OSGIN1: variants seen among roughly 807,000 people sequenced by gnomAD.
The protein encoded by OSGIN1 is oxidative stress induced growth inhibitor 1.
Under a neutral mutation model 20.1 loss-of-function variants are expected in OSGIN1, and 19 were observed. The observed-to-expected ratio is 0.95, with a 90% CI of 0.66 to 1.39. The LOEUF is 1.39. Ranked by LOEUF, OSGIN1 falls within the 40% of genes most tolerant of loss-of-function variation. The pLI is 0.00. For missense variants in OSGIN1, 820 were observed against 653.0 expected (o/e 1.26, Z -2.79); for synonymous variants, 368 against 297.8 (o/e 1.24, Z -2.43).
chr16:83,964,890 T>A (rs2084257313), intron 5 of OSGIN1, among the ~76,000 whole-genome samples, 172 bp from the exon 6 acceptor site: 1 of 152,070 alleles, frequency 6.6e-6, no homozygotes, highest in African/African-American at 2.4e-5. Flanking sequence ...GTTAGCTCCA[T>A]TTTACAGAAG....
chr16:83,965,776 C>A lies in OSGIN1; in HGVS notation c.1203C>A (p.Asp401Glu). The A allele has an allele frequency of 6.2e-7, 1 of 1,613,158 alleles. No homozygotes were observed. Residue 401 changes from aspartate (D) to glutamate (E), a missense_variant, in exon 6 of 6, where the codon GAC becomes GAA. Coordinates refer to ENST00000393306, the MANE Select transcript of OSGIN1 (RefSeq NM_182981.3). Reference protein sequence around the residue: ...LVLVLIGSHPDLSFLPGAGAD... With the variant: ...LVLVLIGSHPELSFLPGAGAD... ...TGGTCCTCATCGGCTCCCACCCCGA[C>A]CTCTCCTTCCTGCCTGGGGCAGGGG...
intron 5 of OSGIN1, 55 bp from the exon 6 acceptor site, chr16:83,965,007 A>ACCCCCCCCCCC: frequency 2.1e-6 from 1 of 475,838 alleles, no homozygotes; most frequent in Non-Finnish European, 4.1e-6. Context: ...CGTCCCACCC[A>ACCCCCCCCCCC]GCCCCCCAAC....
chr16:83,958,646 G>A (rs751461532), intron 2 of OSGIN1, among the ~76,000 whole-genome samples: 4 of 152,194 alleles, frequency 2.6e-5, no homozygotes, highest in African/African-American at 4.8e-5. Context: ...AAAGAGAAGC[G>A]CTATCACAGG....
At chr16:83,953,600 C>CA (rs1908792258) in intron 1 of OSGIN1, among the ~76,000 whole-genome samples, 2 of 152,236 alleles carry the variant, frequency 1.3e-5, no homozygotes, top group Admixed American at 1.3e-4. Flanking sequence ...CTGGTACCCT[C>CA]AGCCAAGCAG....
chr16:83,959,455 G>A (rs972736823), intron 3 of OSGIN1, 59 bp downstream of exon 3: 15 of 1,495,006 alleles, frequency 1.0e-5, no homozygotes, highest in Admixed American at 4.5e-5. Context: ...GAAAACTACC[G>A]CCGCTTTCCC....
chr16:83,965,316 C>G lies in OSGIN1; in HGVS notation c.743C>G (p.Thr248Arg), dbSNP rs201583830. ...WARNVVLATG[T>R]FDSPARLGIP... ...CGCAACGTGGTCCTCGCCACAGGCA[C>G]GTTCGACAGCCCGGCCCGGCTGGGC... Residue 248 changes from threonine to arginine, a missense_variant, in exon 6 of 6, where the codon ACG (threonine) becomes AGG (arginine). Transcript: ENST00000393306. 6.3e-6 allele frequency: 10 copies of G among 1,583,608 alleles called. No individual in the cohort carries two copies. In the East Asian group the frequency reaches 2.0e-4, roughly 32 times the overall value.
intron 4 of OSGIN1, 51 bp from the exon 5 acceptor site, chr16:83,960,930 A>C (rs376745376): frequency 1.2e-5 from 19 of 1,579,252 alleles, no homozygotes; most frequent in Admixed American, 6.7e-5. Flanking sequence ...TCTAGCCCCA[A>C]ATGGGTTCAG....
intron 5 of OSGIN1, among the ~76,000 whole-genome samples, chr16:83,962,760 A>G (rs2084231311): frequency 6.6e-6 from 1 of 152,180 alleles, no homozygotes; most frequent in Non-Finnish European, 1.5e-5. Context: ...GACAGGTGAG[A>G]GACAAACGGT....
intron 1 of OSGIN1, chr16:83,954,251 A>C (rs907033): frequency 0.6 from 91,737 of 152,184 alleles, 28,751 homozygotes; most frequent in East Asian, 0.79. Context: ...AAACGCAGAC[A>C]TACAGGTGTC....
At chr16:83,964,924 T>A (rs1404180626) in intron 5 of OSGIN1, 138 bp from the exon 6 acceptor site, 2 of 654,354 alleles carry the variant, frequency 3.1e-6, no homozygotes, top group Non-Finnish European at 5.3e-6. Context: ...TTAGAGAGGT[T>A]GAATTACCTG....
Position 83,956,472 on chromosome 16 carries a change from C to T in OSGIN1, c.-32-1168C>T, listed in dbSNP as rs796190748. On this transcript the variant is annotated intron_variant, in intron 1 of 5. Coordinates refer to ENST00000393306, the MANE Select transcript of OSGIN1 (RefSeq NM_182981.3). ...CTCTGGGTGGTCCAAGCCCTGTGCC[C>T]GCCCACTTGAGTGTGACACCTGGAT... Among the ~76,000 whole-genome samples the T allele has an allele frequency of 2.6e-4, 40 of 152,304 alleles. 1 individual carries two copies. Among genetic ancestry groups the T allele is most frequent in the African/African-American group, 8.9e-4 (37 of 41,564 alleles).
At chr16:83,954,682 C>G in intron 1 of OSGIN1, 1 of 863,728 alleles carries the variant, frequency 1.2e-6, no homozygotes, top group Non-Finnish European at 1.4e-6. Flanking sequence ...TATGTGGCAT[C>G]CAGAAGCTTC....
chr16:83,965,487 G>A lies in OSGIN1; in HGVS notation c.914G>A (p.Arg305His), dbSNP rs773745484. ...LSAADAVLYA[R>H]HYNIPVIHAF... ...GCGGCCGACGCGGTCCTCTACGCCC[G>A]CCACTACAACATCCCGGTGATCCAT... The change falls in exon 6 of 6, where the codon CGC becomes CAC. Residue 305 changes from arginine (R) to histidine (H), a missense_variant. By Grantham distance (29) the Arg-to-His change is conservative. Transcript: ENST00000393306. The A allele has an allele frequency of 9.9e-6, 16 of 1,610,338 alleles. No homozygotes were observed. The East Asian group carries it at 2.5e-4, about 25-fold the overall frequency.
Position 83,966,084 on chromosome 16 carries a change from C to G in OSGIN1, c.*77C>G. ...CATCCCTGCTGGATGCAGGACCCGT[C>G]CAAAGATGCCCCGGGGAGGGGTGTC... On this transcript the variant is annotated 3_prime_UTR_variant, in exon 6 of 6. Transcript: ENST00000393306. 6.7e-6 allele frequency: 8 copies of G among 1,201,076 alleles called. No homozygotes were observed. Among genetic ancestry groups the G allele is most frequent in the Non-Finnish European group, 7.9e-6 (7 of 884,402 alleles). The allele number at this position is 1,201,076 out of a possible 1,614,324, so 74.4% of individuals were successfully genotyped here.
intron 3 of OSGIN1, among the ~76,000 whole-genome samples, chr16:83,959,862 C>G (rs1390440538): frequency 6.6e-6 from 1 of 151,396 alleles, no homozygotes; most frequent in Non-Finnish European, 1.5e-5. Flanking sequence ...TGATCTGGCT[C>G]AAATGTCAGT....
At position 83,966,064 on chromosome 16, in the gene OSGIN1, C is replaced by T; in HGVS notation, c.*57C>T. 1 of 1,333,636 alleles carries T rather than the reference C, an allele frequency of 7.5e-7. No individual in the cohort carries two copies. The highest frequency in any genetic ancestry group is 1.0e-6 in the Non-Finnish European group (1 of 997,978). The allele number at this position is 1,333,636 out of a possible 1,614,324, so 82.6% of individuals were successfully genotyped here. ...TGAGAGGACAGAGATGACCACATCC[C>T]TGCTGGATGCAGGACCCGTCCAAAG... On this transcript the variant is annotated 3_prime_UTR_variant, in exon 6 of 6. Coordinates refer to ENST00000393306, the MANE Select transcript of OSGIN1 (RefSeq NM_182981.3).
chr16:83,958,916 G>A (rs1325852127), intron 2 of OSGIN1, among the ~76,000 whole-genome samples: 1 of 152,010 alleles, frequency 6.6e-6, no homozygotes, highest in Non-Finnish European at 1.5e-5. Context: ...TCTACCTTCC[G>A]GCCGTGTGAC....
intron 5 of OSGIN1, among the ~76,000 whole-genome samples, chr16:83,962,652 T>C (rs1343153129): frequency 6.6e-6 from 1 of 152,216 alleles, no homozygotes; most frequent in South Asian, 2.1e-4. Flanking sequence ...CTGTATACGT[T>C]AGGGAGACTT....
chr16:83,965,824 C>T lies in OSGIN1; in HGVS notation c.1251C>T (p.Asp417=), dbSNP rs1336611486. The T allele has an allele frequency of 3.1e-6, 5 of 1,613,054 alleles. No homozygotes were observed. Among genetic ancestry groups the T allele is most frequent in the Non-Finnish European group, 4.2e-6 (5 of 1,179,992 alleles). ...GGGCTGACTTTGCAGTGGATCCTGA[C>T]CAGCCGCTGAGCGCCAAGAGGAACC... ...GAGADFAVDP[D]QPLSAKRNPI... is the part of the protein sequence containing the mutation. The change falls in exon 6 of 6, where the codon GAC becomes GAT. Residue 417 remains aspartate, a synonymous_variant. Coordinates refer to ENST00000393306, the MANE Select transcript of OSGIN1 (RefSeq NM_182981.3).
Sources: gnomAD v4.1 joint callset for allele counts (sites outside exome capture counted in the v4.1 genomes callset) on GRCh38, gnomAD v4.1.1 for gene constraint, MANE v1.5 for transcripts, NCBI Gene and HGNC (gene_info 2026-07-23, HGNC 2026-07-21) for gene names.